Variants in ETV6 observed in about 807,000 individuals in gnomAD.
The protein encoded by ETV6 is ETS variant transcription factor 6.
Under a neutral mutation model 51.1 loss-of-function variants are expected in ETV6, and 16 were observed. The ratio of observed to expected loss-of-function variants is 0.31; its 90% confidence interval spans 0.21 to 0.48. The LOEUF (loss-of-function observed/expected upper bound fraction) is 0.48, where lower values mean the gene tolerates loss of function less well. Among genes scored for constraint, ETV6 ranks in the 20% least tolerant of loss-of-function variants. The probability of loss-of-function intolerance (pLI) is 0.99; values close to 1 mark genes in which losing one functional copy is unlikely to be tolerated. For synonymous variants in ETV6, 240 were observed against 224.1 expected (o/e 1.07, Z -0.64); for missense variants, 458 against 594.8 (o/e 0.77, Z 2.39).
At chr12:11,842,775 G>A (rs1038156990) in intron 3 of ETV6, among the ~76,000 whole-genome samples, 10 of 152,200 alleles carry the variant, frequency 6.6e-5, no homozygotes, top group African/African-American at 2.4e-4. Flanking sequence ...AGGAAAGCTA[G>A]TTAGAGTGTC....
At chr12:11,775,762 C>T (rs575393154) in intron 2 of ETV6, among the ~76,000 whole-genome samples, 1 of 152,334 alleles carries the variant, frequency 6.6e-6, no homozygotes, top group South Asian at 2.1e-4. Context: ...ATAAACCATA[C>T]AAGCAGCGCA....
intron 1 of ETV6, among the ~76,000 whole-genome samples, chr12:11,716,338 A>C: frequency 7.5e-6 from 1 of 132,690 alleles, no homozygotes; most frequent in African/African-American, 3.8e-5. Context: ...CTCAAAAAAA[A>C]AAAAAAAAAA....
At chr12:11,712,198 A>C (rs986884371) in intron 1 of ETV6, among the ~76,000 whole-genome samples, 1 of 152,220 alleles carries the variant, frequency 6.6e-6, no homozygotes, top group Non-Finnish European at 1.5e-5. Context: ...CAGTGTAGAC[A>C]AAGTGAAGTA....
chr12:11,752,927 T>C, intron 2 of ETV6: 1 of 182,810 alleles, frequency 5.5e-6, no homozygotes, highest in Non-Finnish European at 1.1e-5. Flanking sequence ...TCACGCTTAC[T>C]CAACTTTAAT....
At chr12:11,817,429 C>T (rs1226246937) in intron 2 of ETV6, among the ~76,000 whole-genome samples, 1 of 152,112 alleles carries the variant, frequency 6.6e-6, no homozygotes, top group Non-Finnish European at 1.5e-5. Context: ...AAAAATGTCT[C>T]TAAGATGCCA....
At chr12:11,826,586 T>C (rs1946156775) in intron 2 of ETV6, 1 of 152,266 alleles carries the variant, frequency 6.6e-6, no homozygotes. Flanking sequence ...TTCATCTGAC[T>C]ACCCACCAAA....
rs1037010230 is a variant in ETV6, at chr12:11,741,728, A to T, written c.34-10722A>T. Among the ~76,000 whole-genome samples the T allele has an allele frequency of 1.3e-3, 201 of 152,352 alleles. 2 individuals are homozygous for T. The highest frequency in any genetic ancestry group is 4.7e-3 in the African/African-American group (194 of 41,578). ...TTATGGTTAAAGGTAGGACAGTGAT[A>T]ATTTACTCAGGAGGGAAGGACAATT... On this transcript the variant is annotated intron_variant, in intron 1 of 7. Transcript: ENST00000396373.
chr12:11,839,453 A>T (rs979291845), intron 3 of ETV6, 149 bp downstream of exon 3: 1 of 820,048 alleles, frequency 1.2e-6, no homozygotes, highest in Non-Finnish European at 1.9e-6. Flanking sequence ...AAGGAAGATT[A>T]TGCTAGCATG....
At chr12:11,744,352 CCCAGGATACAAG>C (rs2121033598) in intron 1 of ETV6, among the ~76,000 whole-genome samples, 1 of 152,244 alleles carries the variant, frequency 6.6e-6, no homozygotes, top group South Asian at 2.1e-4. Context: ...CTTTGTTGTG[CCCAGGATACAAG>C]CTGCTGTTAA....
rs201820837 is a variant in ETV6 at position 11,869,532 on chromosome 12, G to T, written c.572G>T (p.Arg191Leu). The T allele has an allele frequency of 1.7e-5, 27 of 1,613,988 alleles. No homozygotes were observed. The East Asian group carries it at 6.0e-4, about 36-fold the overall frequency. ...AGGTCACCTATCACGACAAATCACC[G>T]GCCTTCTCCTGACCCCGAGCAGCGG... ...RSRSPITTNHRPSPDPEQRPL... is the reference protein window; with the variant it reads ...RSRSPITTNHLPSPDPEQRPL... Residue 191 changes from arginine to leucine, a missense_variant, in exon 5 of 8, where the codon CGG becomes CTG. Transcript: ENST00000396373. This position sits in a 1 kb window ranked among gnomAD's most constrained non-coding sequence, Gnocchi z 5.0.
At chr12:11,738,341 G>A (rs527864891) in intron 1 of ETV6, among the ~76,000 whole-genome samples, 1 of 137,534 alleles carries the variant, frequency 7.3e-6, no homozygotes, top group African/African-American at 2.8e-5. Flanking sequence ...ATTTGAGACA[G>A]GGTCTTGCTC....
chr12:11,855,641 G>C (rs1946622406), intron 4 of ETV6, among the ~76,000 whole-genome samples: 1 of 152,166 alleles, frequency 6.6e-6, no homozygotes, highest in Non-Finnish European at 1.5e-5. Flanking sequence ...TCACAAAAGA[G>C]AGCCTGACTC....
Position 11,804,882 on chromosome 12 carries a change from C to T in ETV6, c.164-34258C>T, listed in dbSNP as rs1307616376. Among the ~76,000 whole-genome samples the T allele has an allele frequency of 2.6e-5, 4 of 152,246 alleles. No homozygotes were observed. In the East Asian group the frequency reaches 7.7e-4, roughly 29 times the overall value. ...TCCAGAGTCTTTTCTTTTGGGAAGG[C>T]AAGTTTGTCCAAAAAGAAATCCTGT... On this transcript the variant is annotated intron_variant, in intron 2 of 7. Transcript: ENST00000396373.
chr12:11,775,633 G>A (rs1264218834), intron 2 of ETV6, among the ~76,000 whole-genome samples: 1 of 152,208 alleles, frequency 6.6e-6, no homozygotes, highest in Non-Finnish European at 1.5e-5. Context: ...CCCACCAGAT[G>A]TGTGCAGAAG....
At chr12:11,743,952 G>T (rs1865859331) in intron 1 of ETV6, among the ~76,000 whole-genome samples, 1 of 152,228 alleles carries the variant, frequency 6.6e-6, no homozygotes, top group South Asian at 2.1e-4. Context: ...GGTGAAGGGA[G>T]GGAGGAGTTA....
Position 11,677,588 on chromosome 12 carries a change from G to T in ETV6, c.33+27428G>T, listed in dbSNP as rs148797181. ...ATGGGATGTGAAGTCCAGTGAGTTGGATTGATTGGATGTATGCGTATTGAG... is the reference window on the plus strand; with the variant it reads ...ATGGGATGTGAAGTCCAGTGAGTTGTATTGATTGGATGTATGCGTATTGAG... On this transcript the variant is annotated intron_variant, in intron 1 of 7. Coordinates refer to ENST00000396373, the MANE Select transcript of ETV6 (RefSeq NM_001987.5). Among the ~76,000 whole-genome samples, 649 of 152,300 alleles carry T rather than the reference G, an allele frequency of 4.3e-3. 7 individuals are homozygous for T. The highest frequency in any genetic ancestry group is 0.015 in the African/African-American group (620 of 41,556).
intron 1 of ETV6, among the ~76,000 whole-genome samples, chr12:11,670,663 G>C (rs1253874496): frequency 6.6e-6 from 1 of 152,212 alleles, no homozygotes; most frequent in Non-Finnish European, 1.5e-5. Context: ...ACTCTTCTGA[G>C]TATAACTGGG....
chr12:11,661,791 G>T (rs2120646744), intron 1 of ETV6, among the ~76,000 whole-genome samples: 1 of 152,312 alleles, frequency 6.6e-6, no homozygotes, highest in African/African-American at 2.4e-5. Context: ...TCTGAATTTT[G>T]TGTTCTGCCT....
chr12:11,840,950 G>A (rs182116872), intron 3 of ETV6: 6 of 161,054 alleles, frequency 3.7e-5, no homozygotes, highest in East Asian at 3.6e-4. Flanking sequence ...AAGAGGCAAC[G>A]TTATATATCT....
Sources: gnomAD v4.1 joint callset for allele counts (sites outside exome capture counted in the v4.1 genomes callset) on GRCh38, gnomAD v4.1.1 for gene constraint, Gnocchi (gnomAD v3.1) non-coding constraint, MANE v1.5 for transcripts, NCBI Gene and HGNC (gene_info 2026-07-23, HGNC 2026-07-21) for gene names.